TSPAN11: variants seen among roughly 807,000 people sequenced by gnomAD.
The protein encoded by TSPAN11 is tetraspanin 11.
TSPAN11 carries 29 observed loss-of-function variants against 32.9 expected under a neutral mutation model. That is an observed-to-expected ratio of 0.88 (90% CI 0.66 to 1.20). The LOEUF is 1.20. TSPAN11 is among the 50% of genes most tolerant of loss of function. TSPAN11 has a pLI of 0.00. For missense variants in TSPAN11, 283 were observed against 329.1 expected (o/e 0.86, Z 1.08); for synonymous variants, 140 against 141.3 (o/e 0.99, Z 0.07).
At chr12:30,946,225 G>A (rs1468771592) in intron 1 of TSPAN11, among the ~76,000 whole-genome samples, 1 of 152,114 alleles carries the variant, frequency 6.6e-6, no homozygotes, top group African/African-American at 2.4e-5. Context: ...CCCTGTCCTG[G>A]GCAAATGGGG....
intron 1 of TSPAN11, among the ~76,000 whole-genome samples, chr12:30,948,722 T>G (rs1034261006): frequency 2.6e-5 from 4 of 152,326 alleles, no homozygotes; most frequent in Admixed American, 2.6e-4. Context: ...TGAAGACCTC[T>G]GACATGCCCT....
In TSPAN11 at chr12:30,995,644, C is replaced by A. The variant is rs1414902742; in HGVS notation, c.*3729C>A. On this transcript the variant is annotated 3_prime_UTR_variant, in exon 8 of 8. Transcript: ENST00000546076. ...GACAGTCACTGTCATCACCACCCACCCTGTCACCCACCTGGAAAACATTCT... is the reference window on the plus strand; with the variant it reads ...GACAGTCACTGTCATCACCACCCACACTGTCACCCACCTGGAAAACATTCT... 2 of 152,142 alleles carry A rather than the reference C, an allele frequency of 1.3e-5. No individual in the cohort carries two copies. The highest frequency in any genetic ancestry group is 2.9e-5 in the Non-Finnish European group (2 of 68,050). 9.4% of individuals were successfully genotyped at this position (152,142 alleles called of 1,614,324 possible). A position where few individuals can be genotyped will look rare whatever the true frequency, so the allele number is the denominator to read the frequency against.
intron 2 of TSPAN11, among the ~76,000 whole-genome samples, chr12:30,957,235 C>G (rs1007503314): frequency 6.8e-6 from 1 of 146,852 alleles, no homozygotes; most frequent in Admixed American, 6.8e-5. Flanking sequence ...GGGACCCCCC[C>G]CCCCCCCACA....
intron 3 of TSPAN11, among the ~76,000 whole-genome samples, chr12:30,968,009 AGGCTCCC>A (rs968676556): frequency 1.3e-5 from 2 of 152,158 alleles, no homozygotes; most frequent in Admixed American, 6.5e-5. Context: ...TTTAAAACCC[AGGCTCCC>A]ATTTAGAGTC....
intron 7 of TSPAN11, among the ~76,000 whole-genome samples, chr12:30,989,916 C>A (rs1408144596): frequency 6.6e-6 from 1 of 152,170 alleles, no homozygotes; most frequent in Non-Finnish European, 1.5e-5. Context: ...TAGCACCAGG[C>A]ACCATGTGGC....
intron 1 of TSPAN11, among the ~76,000 whole-genome samples, chr12:30,942,057 G>T (rs145343799): frequency 1.3e-5 from 2 of 152,350 alleles, no homozygotes; most frequent in Non-Finnish European, 2.9e-5. Flanking sequence ...TGCACTAGCA[G>T]GCCGGTGGGC....
At chr12:30,936,720 A>T (rs959707499) in intron 1 of TSPAN11, among the ~76,000 whole-genome samples, 1 of 152,160 alleles carries the variant, frequency 6.6e-6, no homozygotes, top group African/African-American at 2.4e-5. Flanking sequence ...GTGGGAAGAT[A>T]CTGACTTAGT....
rs1939370860 is a variant in TSPAN11 at position 30,994,129 on chromosome 12, A to T, written c.*2214A>T. Reference sequence around the variant, plus strand: ...GCTTGGAAATCTGACCTCCTTGTCCATGCCAACAGCCTGGGAGATGAGACA... The same window carrying T: ...GCTTGGAAATCTGACCTCCTTGTCCTTGCCAACAGCCTGGGAGATGAGACA... On this transcript the variant is annotated 3_prime_UTR_variant, in exon 8 of 8. Transcript: ENST00000546076. 1 of 152,312 alleles carries T rather than the reference A, an allele frequency of 6.6e-6. No homozygotes were observed. The highest frequency in any genetic ancestry group is 2.4e-5 in the African/African-American group (1 of 41,460). The allele number at this position is 152,312 out of a possible 1,614,324, so 9.4% of individuals were successfully genotyped here.
chr12:30,999,405 T>C (rs1445060391), downstream of TSPAN11: 1 of 151,218 alleles, frequency 6.6e-6, no homozygotes, highest in Non-Finnish European at 1.5e-5. Flanking sequence ...AAGTCAAAAA[T>C]TCATGTTAAA....
intron 3 of TSPAN11, among the ~76,000 whole-genome samples, chr12:30,976,150 A>G (rs1475707283): frequency 6.6e-6 from 1 of 151,628 alleles, no homozygotes; most frequent in Admixed American, 6.6e-5. Flanking sequence ...GGGGGATCAC[A>G]CTCTGGCATG....
In TSPAN11 at chr12:30,953,459, T is replaced by C. The variant is rs548939597; in HGVS notation, c.-11-522T>C. Among the ~76,000 whole-genome samples, 14 of 152,184 alleles carry C rather than the reference T, an allele frequency of 9.2e-5. No individual in the cohort carries two copies. In the East Asian group the frequency reaches 2.5e-3, roughly 27 times the overall value. On this transcript the variant is annotated intron_variant, in intron 1 of 7. Transcript: ENST00000546076. Reference sequence around the variant, plus strand: ...GCCTGTCTGGGCCTGCTTCCTCATCTGAAAAGTCAAGCTGCAGCGGCCAGG... The same window carrying C: ...GCCTGTCTGGGCCTGCTTCCTCATCCGAAAAGTCAAGCTGCAGCGGCCAGG...
intron 1 of TSPAN11, among the ~76,000 whole-genome samples, chr12:30,944,501 C>T (rs543241801): frequency 5.3e-5 from 8 of 152,222 alleles, no homozygotes; most frequent in African/African-American, 9.6e-5. Flanking sequence ...TGGCTTATTT[C>T]GCTTAACATA....
rs1009290 is a variant in TSPAN11 at position 30,994,540 on chromosome 12, G to T, written c.*2625G>T. 0.44 allele frequency: 66,353 copies of T among 152,102 alleles called. 15,260 individuals are homozygous for T. The highest frequency in any genetic ancestry group is 0.5 in the Non-Finnish European group (33,958 of 68,008). The allele number at this position is 152,102 out of a possible 1,614,324, so 9.4% of individuals were successfully genotyped here. On this transcript the variant is annotated 3_prime_UTR_variant, in exon 8 of 8. Transcript: ENST00000546076. ...GACACCAAGAGAAGGGCGCGTCCCC[G>T]AGTCCCCTGGGTGACCTGTGTCAGG...
chr12:30,972,660 A>G (rs906417362), intron 3 of TSPAN11, among the ~76,000 whole-genome samples: 8 of 152,150 alleles, frequency 5.3e-5, no homozygotes, highest in Admixed American at 3.3e-4. Context: ...GCTGGGTTGA[A>G]TAAAGTGAAG....
At position 30,961,227 on chromosome 12, in the gene TSPAN11, C is replaced by T. The variant is rs550491813; in HGVS notation, c.85-2599C>T. 1.7e-4 allele frequency among the ~76,000 whole-genome samples: 26 copies of T among 151,890 alleles called. No individual in the cohort carries two copies. The East Asian group carries it at 2.3e-3, about 14-fold the overall frequency. ...TCTGCTGACTTAGGCAGTTTCCAGGCGGCTTGAGTGACAGCCATGAGCCAT... is the reference window on the plus strand; with the variant it reads ...TCTGCTGACTTAGGCAGTTTCCAGGTGGCTTGAGTGACAGCCATGAGCCAT... On this transcript the variant is annotated intron_variant, in intron 2 of 7. Transcript: ENST00000546076.
At chr12:30,997,526 G>A (rs548439608), downstream of TSPAN11, 2 of 152,488 alleles carry the variant, frequency 1.3e-5, 1 homozygote, top group East Asian at 3.9e-4. Flanking sequence ...GCAGGAGAGA[G>A]AGAGTGAGGG....
rs774396624 is a variant in TSPAN11 at position 30,991,901 on chromosome 12, C to G, written c.748C>G (p.Arg250Gly). Residue 250 changes from arginine to glycine, a missense_variant, in exon 8 of 8, where the codon CGG (arginine) becomes GGG (glycine). By Grantham distance (125) the Arg-to-Gly change is moderately radical. Transcript: ENST00000546076. ...CTGCTGCTTGCACCAGAGGCTCCAG[C>G]GGCATTTTTACTAATGGCCAACCAC... ...LTCCLHQRLQRHFY is the reference protein window; with the variant it reads ...LTCCLHQRLQGHFY The G allele has an allele frequency of 6.2e-7, 1 of 1,614,174 alleles. No homozygotes were observed. The highest frequency in any genetic ancestry group is 1.7e-5 in the Admixed American group (1 of 60,036).
the TSPAN11 span, among the ~76,000 whole-genome samples, chr12:31,014,368 A>T: frequency 6.6e-6 from 1 of 152,362 alleles, no homozygotes; most frequent in South Asian, 2.1e-4. Context: ...CCATTCTAAC[A>T]CCTTCTCAAT....
chr12:30,952,684 G>A (rs1469480039), intron 1 of TSPAN11, among the ~76,000 whole-genome samples: 1 of 152,164 alleles, frequency 6.6e-6, no homozygotes, highest in Non-Finnish European at 1.5e-5. Context: ...GGATGGTCCA[G>A]TTGGGGGTTG....
Sources: gnomAD v4.1 joint callset for allele counts (sites outside exome capture counted in the v4.1 genomes callset) on GRCh38, gnomAD v4.1.1 for gene constraint, MANE v1.5 for transcripts, NCBI Gene and HGNC (gene_info 2026-07-23, HGNC 2026-07-21) for gene names.